KRT7: variants seen among roughly 807,000 people sequenced by gnomAD.
The protein encoded by KRT7 is keratin, type II cytoskeletal 7.
In KRT7, 50 loss-of-function variants were observed where a neutral mutation model predicts 42.8. That is an observed-to-expected ratio of 1.17 (90% CI 0.93 to 1.48). KRT7 has a LOEUF of 1.48. Ranked by LOEUF, KRT7 falls within the 40% of genes most tolerant of loss-of-function variation. The pLI, the probability that KRT7 is intolerant of heterozygous loss-of-function variation, is 0.00. For missense variants in KRT7, 588 were observed against 637.6 expected, an observed-to-expected ratio of 0.92 and a Z score of 0.84; for synonymous variants, 268 against 266.3, an observed-to-expected ratio of 1.01 and a Z score of -0.06.
rs1832678620 is a variant in KRT7 at position 52,248,824 on chromosome 12, G to C, written c.*64G>C. 1 of 1,418,702 alleles carries C rather than the reference G, an allele frequency of 7.0e-7. No homozygotes were observed. Among genetic ancestry groups the C allele is most frequent in the Non-Finnish European group, 9.3e-7 (1 of 1,070,420 alleles). The allele number at this position is 1,418,702 out of a possible 1,614,324, so 87.9% of individuals were successfully genotyped here. On this transcript the variant is annotated 3_prime_UTR_variant, in exon 9 of 9. Coordinates refer to ENST00000331817, the MANE Select transcript of KRT7 (RefSeq NM_005556.4). ...CAATCACAAGAAGATTCCCACCCCT[G>C]CCTCCCATGCCTGGTCCCAAGACAG...
downstream of KRT7, chr12:52,254,141 C>T (rs1942307026): frequency 8.9e-6 from 4 of 451,422 alleles, no homozygotes; most frequent in South Asian, 7.5e-5. Context: ...TCTTCACCTG[C>T]TCATGGTGAA....
At chr12:52,255,326 G>A (rs1446581885), downstream of KRT7, 3 of 456,790 alleles carry the variant, frequency 6.6e-6, no homozygotes, top group Non-Finnish European at 1.3e-5. Flanking sequence ...TGAGTTAGGG[G>A]ACAAGGATTC....
chr12:52,243,684 C>A (rs916708909), intron 6 of KRT7: 3 of 152,506 alleles, frequency 2.0e-5, no homozygotes, highest in African/African-American at 7.2e-5. Flanking sequence ...CAGCTCTGTC[C>A]ATGGTTGTTG....
In KRT7 at chr12:52,235,328, G is replaced by T. The variant is rs568120654; in HGVS notation, c.498G>T (p.Leu166=). The T allele has an allele frequency of 6.3e-5, 102 of 1,613,576 alleles. 3 individuals are homozygous for T. The South Asian group carries it at 9.2e-4, about 15-fold the overall frequency. ...QVDGGRLEAE[L]RSMQDVVEDF... ...ATGGGGGCCGCCTGGAGGCGGAGCT[G>T]CGGAGCATGCAGGATGTGGTGGAGG... The change falls in exon 2 of 9, where the codon CTG becomes CTT. Residue 166 remains leucine (L), a synonymous_variant. Transcript: ENST00000331817.
chr12:52,234,130 G>C (rs1472666524), intron 1 of KRT7, among the ~76,000 whole-genome samples: 7 of 149,652 alleles, frequency 4.7e-5, no homozygotes, highest in South Asian at 4.2e-4. Context: ...GCGGGGGAGG[G>C]GGGGGGGCTC....
chr12:52,245,204 C>T (rs2608008), intron 6 of KRT7: 493,064 of 594,890 alleles, frequency 0.83, 205,259 homozygotes, highest in African/African-American at 0.95. Flanking sequence ...CATGGTCACA[C>T]AGCTAGTAAG....
chr12:52,238,667 C>T lies in KRT7; in HGVS notation c.598-13C>T. 1 of 1,584,738 alleles carries T rather than the reference C, an allele frequency of 6.3e-7. No individual in the cohort carries two copies. Among genetic ancestry groups the T allele is most frequent in the Non-Finnish European group, 8.7e-7 (1 of 1,153,104 alleles). ...CATGGTCTCCCTCTGCCCCATCTTG[C>T]CCCAACCCCCAGGATGTGGATGCTG... On this transcript the variant is annotated splice_polypyrimidine_tract_variant and intron_variant, in intron 3 of 8. Coordinates refer to ENST00000331817, the MANE Select transcript of KRT7 (RefSeq NM_005556.4).
Position 52,242,990 on chromosome 12 carries a change from ACT to A in KRT7, c.859-17_859-16del. 6.3e-7 allele frequency: 1 copy of A among 1,599,616 alleles called. No homozygotes were observed. Among genetic ancestry groups the A allele is most frequent in the African/African-American group, 1.3e-5 (1 of 74,226 alleles). ...ACTCACTGCCCATCTCTCTGCCATA[ACT>A]CTCTGTATGGCCCCTCCAGTTTGAG... On this transcript the variant is annotated intron_variant, in intron 5 of 8. Coordinates refer to ENST00000331817, the MANE Select transcript of KRT7 (RefSeq NM_005556.4).
At chr12:52,252,557 G>A (rs1222729484), downstream of KRT7, 2 of 1,535,846 alleles carry the variant, frequency 1.3e-6, no homozygotes, top group Non-Finnish European at 8.8e-7. Context: ...ACTGACCACT[G>A]ACTAGCAGAA....
chr12:52,238,594 C>A, intron 3 of KRT7, 86 bp from the exon 4 acceptor site: 1 of 811,588 alleles, frequency 1.2e-6, no homozygotes. Context: ...GTGGGTTGGA[C>A]AGGGCAGGCC....
At chr12:52,253,208 C>G, downstream of KRT7, 1 of 1,604,602 alleles carries the variant, frequency 6.2e-7, no homozygotes, top group Non-Finnish European at 8.5e-7. Context: ...GCTGGGCTCC[C>G]ATACCTGGCA....
At chr12:52,252,489 G>A (rs770838148), downstream of KRT7, 101 of 1,613,572 alleles carry the variant, frequency 6.3e-5, no homozygotes, top group Non-Finnish European at 8.5e-5. Context: ...GTTCTGGGAG[G>A]CAAGGGAGGG....
rs1592386001 is a variant in KRT7 at position 52,233,243 on chromosome 12, A to C, written c.-54A>C. 1.4e-6 allele frequency: 2 copies of C among 1,379,526 alleles called. No homozygotes were observed. The highest frequency in any genetic ancestry group is 5.8e-5 in the East Asian group (2 of 34,658). The allele number at this position is 1,379,526 out of a possible 1,614,324, so 85.5% of individuals were successfully genotyped here. On this transcript the variant is annotated 5_prime_UTR_variant, in exon 1 of 9. Coordinates refer to ENST00000331817, the MANE Select transcript of KRT7 (RefSeq NM_005556.4). ...AAAGGCGCGGAGTGTCCCCGAGGTC[A>C]GCGAGTGCGCGCTCCTCCTCGCCCG...
At chr12:52,237,750 G>GT (rs1347887965) in intron 3 of KRT7, 181 bp downstream of exon 3, 3 of 481,028 alleles carry the variant, frequency 6.2e-6, no homozygotes, top group Non-Finnish European at 1.1e-5. Context: ...GTGTGTGTGT[G>GT]TGTGTGTGTG....
At chr12:52,249,017 G>A, downstream of KRT7, 2 of 331,938 alleles carry the variant, frequency 6.0e-6, no homozygotes. Context: ...CTTTTGTGCA[G>A]GAGACTGAGA....
intron 3 of KRT7, 45 bp downstream of exon 3, chr12:52,237,614 G>A (rs748520870): frequency 2.0e-6 from 2 of 1,013,346 alleles, no homozygotes; most frequent in South Asian, 2.8e-5. Context: ...TGAAAACATG[G>A]GACAAAGGAC....
At chr12:52,235,570 T>C (rs1295377058) in intron 2 of KRT7, among the ~76,000 whole-genome samples, 1 of 152,222 alleles carries the variant, frequency 6.6e-6, no homozygotes, top group African/African-American at 2.4e-5. Flanking sequence ...CAAATCATTC[T>C]GGTCTTTTCC....
intron 2 of KRT7, 129 bp downstream of exon 2, chr12:52,235,495 G>A: frequency 1.3e-6 from 1 of 743,262 alleles, no homozygotes; most frequent in African/African-American, 1.8e-5. Flanking sequence ...ACTCCCTGAG[G>A]GGCCAGTCTT....
In KRT7 at chr12:52,248,753, G is replaced by T. The variant is rs369098402; in HGVS notation, c.1403G>T (p.Arg468Leu). ...RTASASRRSA[R>L]D ...GCATCCGCCAGTCGCAGGAGTGCCC[G>T]CGACTGAGCCGCCTCCCACCACTCC... The change falls in exon 9 of 9, where the codon CGC becomes CTC. Residue 468 changes from arginine (R) to leucine (L), a missense_variant. Arg to Leu is a moderately radical substitution (Grantham distance 102). Coordinates refer to ENST00000331817, the MANE Select transcript of KRT7 (RefSeq NM_005556.4). 2.6e-6 allele frequency: 4 copies of T among 1,563,822 alleles called. No individual in the cohort carries two copies. Among genetic ancestry groups the T allele is most frequent in the African/African-American group, 1.4e-5 (1 of 73,256 alleles).
Sources: allele counts gnomAD v4.1 joint callset (sites outside exome capture counted in the v4.1 genomes callset), GRCh38; gene constraint gnomAD v4.1.1; transcripts MANE v1.5; gene names NCBI Gene and HGNC (gene_info 2026-07-23, HGNC 2026-07-21).